Variants in TOM1L2 observed in about 807,000 individuals in gnomAD.
TOM1L2 encodes target of myb1 like 2 membrane trafficking protein.
Under a neutral mutation model 67.9 loss-of-function variants are expected in TOM1L2, and 31 were observed. The observed-to-expected ratio is 0.46, with a 90% confidence interval of 0.34 to 0.62. The LOEUF is 0.62. Ranked by LOEUF, TOM1L2 falls within the 20% of genes least tolerant of loss-of-function variation. TOM1L2 has a pLI of 0.01. For missense variants in TOM1L2, 606 were observed against 663.5 expected, an observed-to-expected ratio of 0.91 and a Z score of 0.95; for synonymous variants, 256 against 254.0, an observed-to-expected ratio of 1.01 and a Z score of -0.07.
At chr17:17,922,807 G>A (rs1352774722) in intron 1 of TOM1L2, among the ~76,000 whole-genome samples, 2 of 152,298 alleles carry the variant, frequency 1.3e-5, no homozygotes, top group East Asian at 3.9e-4. Context: ...CAGGAAAGAC[G>A]GAATTCCAGC....
chr17:17,927,696 T>C (rs1346618319), intron 1 of TOM1L2, among the ~76,000 whole-genome samples: 1 of 150,358 alleles, frequency 6.7e-6, no homozygotes, highest in Non-Finnish European at 1.5e-5. Flanking sequence ...AGGATCTCAC[T>C]CAGTCACTCA....
intron 1 of TOM1L2, among the ~76,000 whole-genome samples, chr17:17,920,746 T>C (rs1224251493): frequency 2.0e-5 from 3 of 152,026 alleles, no homozygotes; most frequent in Non-Finnish European, 2.9e-5. Context: ...GCAATTCTCC[T>C]GCCTCAGTCT....
intron 1 of TOM1L2, among the ~76,000 whole-genome samples, chr17:17,940,321 A>C (rs1227718874): frequency 6.6e-6 from 1 of 152,140 alleles, no homozygotes; most frequent in East Asian, 1.9e-4. Context: ...GTAATCAATA[A>C]TTGGTAGCTT....
chr17:17,866,572 G>A (rs1000361203), intron 9 of TOM1L2, among the ~76,000 whole-genome samples, 153 bp from the exon 10 acceptor site: 1 of 152,216 alleles, frequency 6.6e-6, no homozygotes, highest in Non-Finnish European at 1.5e-5. Context: ...CTGCCTTCCA[G>A]GTCCATGGTG....
chr17:17,970,062 G>T (rs1040499757), intron 1 of TOM1L2, among the ~76,000 whole-genome samples: 2 of 151,888 alleles, frequency 1.3e-5, no homozygotes, highest in African/African-American at 2.4e-5. Context: ...GTTGTTGTTT[G>T]TTTGTTTTTT....
chr17:17,924,006 T>C (rs972742438), intron 1 of TOM1L2, among the ~76,000 whole-genome samples: 2 of 151,724 alleles, frequency 1.3e-5, no homozygotes, highest in Non-Finnish European at 2.9e-5. Flanking sequence ...GGCATGGTGG[T>C]ATGCACCTGT....
intron 1 of TOM1L2, among the ~76,000 whole-genome samples, chr17:17,931,873 A>C (rs2040351168): frequency 6.6e-6 from 1 of 152,212 alleles, no homozygotes; most frequent in African/African-American, 2.4e-5. Context: ...AATTCTTATC[A>C]TACAGGTCTC....
chr17:17,895,227 T>A (rs2038504759), intron 3 of TOM1L2, among the ~76,000 whole-genome samples: 1 of 152,164 alleles, frequency 6.6e-6, no homozygotes, highest in South Asian at 2.1e-4. Flanking sequence ...GCCCTTCCCA[T>A]GCCAACAGCC....
intron 1 of TOM1L2, among the ~76,000 whole-genome samples, chr17:17,931,939 A>T (rs913331612): frequency 2.0e-5 from 3 of 152,198 alleles, no homozygotes; most frequent in Non-Finnish European, 4.4e-5. Flanking sequence ...TTACCCAAAG[A>T]TCTCATCAAG....
At chr17:17,900,949 T>C (rs1166464641) in intron 2 of TOM1L2, among the ~76,000 whole-genome samples, 2 of 152,180 alleles carry the variant, frequency 1.3e-5, no homozygotes, top group African/African-American at 2.4e-5. Context: ...TTCTGTCCTC[T>C]TGAACTTCCA....
chr17:17,869,637 C>T (rs1423837140), intron 7 of TOM1L2, 164 bp from the exon 8 acceptor site: 1 of 1,397,528 alleles, frequency 7.2e-7, no homozygotes, highest in East Asian at 2.5e-5. Context: ...TCCCTCTTCA[C>T]TGCCTGCCCC....
chr17:17,913,249 G>A (rs540491500), intron 1 of TOM1L2, among the ~76,000 whole-genome samples: 8 of 149,428 alleles, frequency 5.4e-5, no homozygotes, highest in African/African-American at 1.3e-4. Flanking sequence ...GGGGGAGACC[G>A]TGGGGAGACG....
chr17:17,922,614 CATTTCTCACGCTCTCTGA>C (rs1340775857), intron 1 of TOM1L2, among the ~76,000 whole-genome samples: 4 of 152,168 alleles, frequency 2.6e-5, no homozygotes, highest in African/African-American at 9.7e-5. Flanking sequence ...ACCTAGGACA[CATTTCTCACGCTCTCTGA>C]ATTTCATCCA....
intron 1 of TOM1L2, among the ~76,000 whole-genome samples, chr17:17,954,504 G>A (rs890842187): frequency 4.6e-5 from 7 of 152,106 alleles, no homozygotes; most frequent in African/African-American, 1.2e-4. Context: ...GTAGAGACGG[G>A]GTTTCGCCAT....
At chr17:17,898,268 T>C (rs193215242) in intron 3 of TOM1L2, among the ~76,000 whole-genome samples, 207 of 152,238 alleles carry the variant, frequency 1.4e-3, no homozygotes, top group African/African-American at 4.8e-3. Flanking sequence ...AAGGAGTTGG[T>C]CTCAGTCTCA....
Position 17,898,678 on chromosome 17 carries a change from G to C in TOM1L2, c.138-4C>G. 3 of 1,614,068 alleles carry C rather than the reference G, an allele frequency of 1.9e-6. No homozygotes were observed. The highest frequency in any genetic ancestry group is 2.5e-6 in the Non-Finnish European group (3 of 1,180,008). On this transcript the variant is annotated splice_polypyrimidine_tract_variant and splice_region_variant and intron_variant, in intron 2 of 14. Transcript: ENST00000379504. ...GGCTCGAATGGCATCCTTTGGCCTG[G>C]AAAAAAGAACAGACATATAAAGATA...
chr17:17,873,980 G>T (rs2037290661), intron 7 of TOM1L2, among the ~76,000 whole-genome samples: 1 of 151,028 alleles, frequency 6.6e-6, no homozygotes, highest in Non-Finnish European at 1.5e-5. Context: ...TTTTAGATGG[G>T]AGTCTCGCTC....
intron 1 of TOM1L2, among the ~76,000 whole-genome samples, chr17:17,940,321 A>G (rs1227718874): frequency 6.6e-6 from 1 of 152,140 alleles, no homozygotes; most frequent in South Asian, 2.1e-4. Context: ...GTAATCAATA[A>G]TTGGTAGCTT....
rs192262088 is a variant in TOM1L2, at chr17:17,848,797, C to A, written c.1375+26G>T. On this transcript the variant is annotated intron_variant, in intron 14 of 14. Transcript: ENST00000379504. ...CCTGCACAGAGGCAACAAAAGGGGG[C>A]TGTAAGGCCACTGGCCAGGCCATAC... The A allele has an allele frequency of 1.3e-4, 208 of 1,613,518 alleles. No individual in the cohort carries two copies. The African/African-American group carries it at 2.5e-3, about 20-fold the overall frequency.
Sources: allele counts gnomAD v4.1 joint callset (sites outside exome capture counted in the v4.1 genomes callset), GRCh38; gene constraint gnomAD v4.1.1; transcripts MANE v1.5; gene names NCBI Gene and HGNC (gene_info 2026-07-23, HGNC 2026-07-21).